The following PEAK1 variants were observed in gnomAD, a reference collection of about 807,000 sequenced individuals.
PEAK1 encodes inactive tyrosine-protein kinase PEAK1.
Under a neutral mutation model 124.7 loss-of-function variants are expected in PEAK1, and 54 were observed. The ratio of observed to expected loss-of-function variants is 0.43; its 90% CI spans 0.35 to 0.54. The LOEUF is 0.54. PEAK1 is among the 20% of genes least tolerant of loss of function. The pLI is 0.01. For synonymous variants in PEAK1, 719 were observed against 760.0 expected (o/e 0.95, Z 0.89); for missense variants, 2,046 against 2,134.5 (o/e 0.96, Z 0.82).
At chr15:77,354,591 A>G (rs2067394489) in intron 2 of PEAK1, among the ~76,000 whole-genome samples, 1 of 152,200 alleles carries the variant, frequency 6.6e-6, no homozygotes, top group Non-Finnish European at 1.5e-5. Flanking sequence ...CTTTCCCTGC[A>G]AACTGTCCCC....
chr15:77,261,346 C>A (rs1160285386), intron 5 of PEAK1, among the ~76,000 whole-genome samples: 3 of 152,104 alleles, frequency 2.0e-5, no homozygotes, highest in African/African-American at 4.8e-5. Context: ...GAAGTTCGAA[C>A]CCATGGCAAA....
chr15:77,155,701 C>G (rs1176048484), intron 8 of PEAK1: 1 of 152,286 alleles, frequency 6.6e-6, no homozygotes, highest in Non-Finnish European at 1.5e-5. Context: ...TTCCTTCTAA[C>G]AGACAGGACC....
intron 2 of PEAK1, among the ~76,000 whole-genome samples, chr15:77,355,362 T>G (rs2067455443): frequency 6.6e-6 from 1 of 152,138 alleles, no homozygotes; most frequent in African/African-American, 2.4e-5. Flanking sequence ...AAATACAAAT[T>G]TACATGAAAG....
chr15:77,287,064 T>C (rs2062968285), intron 2 of PEAK1, among the ~76,000 whole-genome samples: 1 of 151,960 alleles, frequency 6.6e-6, no homozygotes, highest in Non-Finnish European at 1.5e-5. Context: ...GCAGACTCTG[T>C]TCTTGAGTTT....
intron 2 of PEAK1, chr15:77,352,448 G>A: frequency 1.0e-6 from 1 of 985,368 alleles, no homozygotes; most frequent in Non-Finnish European, 1.2e-6. Flanking sequence ...GCCTGAAGGG[G>A]AGATGAGGGA....
chr15:77,271,798 G>A (rs565175373), intron 5 of PEAK1, among the ~76,000 whole-genome samples: 51 of 152,270 alleles, frequency 3.3e-4, no homozygotes, highest in Non-Finnish European at 6.2e-4. Context: ...GGAGGAGCGG[G>A]GAGGGATAGC....
chr15:77,345,310 C>A (rs1183038790), intron 2 of PEAK1, among the ~76,000 whole-genome samples: 4 of 152,008 alleles, frequency 2.6e-5, no homozygotes, highest in African/African-American at 9.7e-5. Flanking sequence ...GTGTTTTTTG[C>A]CCTTCATTCA....
chr15:77,250,181 GTATA>G (rs554757253), intron 6 of PEAK1, among the ~76,000 whole-genome samples: 1 of 105,520 alleles, frequency 9.5e-6, no homozygotes, highest in Non-Finnish European at 2.2e-5. Flanking sequence ...ATATGTATAT[GTATA>G]TATATACATA....
At chr15:77,154,077 CAGTG>C (rs2054903756) in intron 8 of PEAK1, among the ~76,000 whole-genome samples, 1 of 152,080 alleles carries the variant, frequency 6.6e-6, no homozygotes. Flanking sequence ...CTAATGTTGA[CAGTG>C]GGGTGTTAAA....
intron 2 of PEAK1, chr15:77,350,301 G>A (rs1362647901): frequency 2.0e-6 from 2 of 985,112 alleles, no homozygotes; most frequent in African/African-American, 3.5e-5. Flanking sequence ...ATATAATTTG[G>A]GTGGGAATCC....
intron 6 of PEAK1, among the ~76,000 whole-genome samples, chr15:77,228,388 A>G (rs931230201): frequency 3.9e-5 from 6 of 152,192 alleles, no homozygotes; most frequent in Non-Finnish European, 7.3e-5. Context: ...AGTTGACAAT[A>G]AAATCAAGTT....
In PEAK1 at chr15:77,180,050, A is replaced by C. The variant is rs763284979; in HGVS notation, c.1877T>G (p.Val626Gly). The change falls in exon 7 of 10, where the codon GTT becomes GGT. Residue 626 changes from valine to glycine, a missense_variant. Val to Gly is a moderately radical substitution (Grantham distance 109). Coordinates refer to ENST00000682557, the MANE Select transcript of PEAK1 (RefSeq NM_001385026.1). ...YARSSKNAIKVPIVINPNAYD... is the reference protein window; with the variant it reads ...YARSSKNAIKGPIVINPNAYD... ...TGCATTTGGATTGATAACAATGGGA[A>C]CTTTGATAGCATTTTTGGAACTCCG... is the stretch of plus-strand genomic sequence containing the variant. 3.7e-6 allele frequency: 6 copies of C among 1,613,866 alleles called. No homozygotes were observed. Among genetic ancestry groups the C allele is most frequent in the Non-Finnish European group, 5.1e-6 (6 of 1,179,890 alleles).
chr15:77,249,851 A>T (rs1205191949), intron 6 of PEAK1, among the ~76,000 whole-genome samples: 1 of 152,108 alleles, frequency 6.6e-6, no homozygotes, highest in Non-Finnish European at 1.5e-5. Context: ...AAATAGGTAC[A>T]CTTAAATCAA....
chr15:77,356,070 T>A (rs2067500549), intron 2 of PEAK1: 1 of 350,148 alleles, frequency 2.9e-6, no homozygotes, highest in African/African-American at 2.2e-5. Flanking sequence ...CAAACGTGCA[T>A]TACTCAGTGA....
intron 7 of PEAK1, among the ~76,000 whole-genome samples, chr15:77,165,388 G>A (rs763906879): frequency 1.3e-5 from 2 of 152,038 alleles, no homozygotes; most frequent in Non-Finnish European, 2.9e-5. Flanking sequence ...GTAGAGATGG[G>A]GTTTCGCCAT....
At position 77,376,555 on chromosome 15, in the gene PEAK1, G is replaced by T. The variant is rs146762743; in HGVS notation, c.-665-11330C>A. 2.0e-5 allele frequency among the ~76,000 whole-genome samples: 3 copies of T among 152,212 alleles called. No individual in the cohort carries two copies. The East Asian group carries it at 5.8e-4, about 29-fold the overall frequency. On this transcript the variant is annotated intron_variant, in intron 1 of 9. Transcript: ENST00000682557. ...ATAATATCCTTCCTTGTCCTGAACA[G>T]CCTCTTTCTGGAAACATTTTCAATC...
intron 6 of PEAK1, chr15:77,239,728 C>A: frequency 3.3e-6 from 2 of 600,366 alleles, no homozygotes; most frequent in Non-Finnish European, 4.2e-6. Context: ...ACCAGATTTA[C>A]AAACTGAGCA....
chr15:77,294,664 T>C (rs2063391574), intron 2 of PEAK1, among the ~76,000 whole-genome samples: 2 of 152,192 alleles, frequency 1.3e-5, no homozygotes, highest in Admixed American at 6.5e-5. Context: ...GAAAGGAAAT[T>C]TGCAGTCTTA....
chr15:77,337,332 G>T (rs780645390), intron 2 of PEAK1: 207 of 971,500 alleles, frequency 2.1e-4, no homozygotes, highest in Non-Finnish European at 2.5e-4. Flanking sequence ...TCATTTATTT[G>T]AGAGGAGAAA....
Sources: gnomAD v4.1 joint callset for allele counts (sites outside exome capture counted in the v4.1 genomes callset) on GRCh38, gnomAD v4.1.1 for gene constraint, MANE v1.5 for transcripts, NCBI Gene and HGNC (gene_info 2026-07-23, HGNC 2026-07-21) for gene names.